Variants in FGF12 observed in about 807,000 individuals in gnomAD.
FGF12 encodes the protein fibroblast growth factor 12.
FGF12 carries 14 observed loss-of-function variants against 23.6 expected under a neutral mutation model. The observed-to-expected ratio is 0.59, with a 90% CI of 0.39 to 0.93. The LOEUF is 0.93. Ranked by LOEUF, FGF12 falls within the 40% of genes least tolerant of loss-of-function variation. The pLI is 0.00. For missense variants in FGF12, 175 were observed against 217.8 expected (o/e 0.80, Z 1.24); for synonymous variants, 62 against 77.3 (o/e 0.80, Z 1.04).
chr3:192,476,606 T>C (rs2108816685), intron 2 of FGF12, among the ~76,000 whole-genome samples: 1 of 152,254 alleles, frequency 6.6e-6, no homozygotes, highest in East Asian at 1.9e-4. Context: ...CCTCCACAAA[T>C]ACAACATAAT....
intron 2 of FGF12, among the ~76,000 whole-genome samples, chr3:192,611,077 A>C (rs1041125518): frequency 1.3e-5 from 2 of 152,014 alleles, no homozygotes; most frequent in Admixed American, 1.3e-4. Flanking sequence ...CACTAGCATA[A>C]TCTCAAAGCC....
At chr3:192,155,949 C>A (rs757903162) in intron 5 of FGF12, among the ~76,000 whole-genome samples, 2 of 152,130 alleles carry the variant, frequency 1.3e-5, no homozygotes, top group Non-Finnish European at 1.5e-5. Flanking sequence ...TGTAGTAGCT[C>A]GAAGTGCAAT....
intron 4 of FGF12, among the ~76,000 whole-genome samples, chr3:192,285,762 G>T (rs543048156): frequency 6.6e-6 from 1 of 151,968 alleles, no homozygotes; most frequent in African/African-American, 2.4e-5. Flanking sequence ...CTTCTTGCAT[G>T]AAGTAAAAGA....
chr3:192,529,213 A>G (rs1725027193), intron 2 of FGF12, among the ~76,000 whole-genome samples: 1 of 152,174 alleles, frequency 6.6e-6, no homozygotes, highest in African/African-American at 2.4e-5. Flanking sequence ...CTGCTTAGAA[A>G]TTTCTTCTGC....
chr3:192,338,822 T>A (rs758863142), intron 3 of FGF12, among the ~76,000 whole-genome samples: 2 of 152,176 alleles, frequency 1.3e-5, no homozygotes, highest in Admixed American at 1.3e-4. Context: ...AGAATTAATA[T>A]GCAAGATATG....
chr3:192,649,659 C>T (rs1266599919), intron 2 of FGF12, among the ~76,000 whole-genome samples: 3 of 152,110 alleles, frequency 2.0e-5, no homozygotes, highest in East Asian at 3.9e-4. Flanking sequence ...TCCAGCGATC[C>T]TCCCACCTCA....
chr3:192,301,630 A>G (rs1715354345), intron 4 of FGF12, among the ~76,000 whole-genome samples: 1 of 152,192 alleles, frequency 6.6e-6, no homozygotes, highest in South Asian at 2.1e-4. Context: ...GGTCAGTGGA[A>G]TTGAAGTTTT....
At chr3:192,642,963 C>T (rs1243792645) in intron 2 of FGF12, among the ~76,000 whole-genome samples, 1 of 152,232 alleles carries the variant, frequency 6.6e-6, no homozygotes, top group Non-Finnish European at 1.5e-5. Flanking sequence ...AATGCTCTGA[C>T]TTACAGTAAG....
intron 4 of FGF12, among the ~76,000 whole-genome samples, chr3:192,213,042 C>T (rs1460333605): frequency 6.6e-6 from 1 of 152,206 alleles, no homozygotes; most frequent in Non-Finnish European, 1.5e-5. Context: ...TGCAGCAAAA[C>T]TTGTCAGGTT....
intron 2 of FGF12, among the ~76,000 whole-genome samples, chr3:192,545,961 C>T (rs777725143): frequency 9.2e-5 from 14 of 152,302 alleles, no homozygotes; most frequent in Admixed American, 2.0e-4. Context: ...TCTCTATGCT[C>T]TGAATGGATT....
chr3:192,214,247 G>A (rs750523835), intron 4 of FGF12, among the ~76,000 whole-genome samples: 4 of 152,152 alleles, frequency 2.6e-5, no homozygotes, highest in Non-Finnish European at 4.4e-5. Flanking sequence ...TTACTGCTTA[G>A]GAAATTCAGA....
chr3:192,481,605 T>C lies in FGF12; in HGVS notation c.14-121067A>G, dbSNP rs1036615153. On this transcript the variant is annotated intron_variant, in intron 2 of 5. Coordinates refer to ENST00000445105, the MANE Select transcript of FGF12 (RefSeq NM_004113.6). ...CACTATCCTGCTGAGTAGTGTAAGT[T>C]TGCTTCAGGCAGCCTCCTATCCATG... 2.6e-4 allele frequency among the ~76,000 whole-genome samples: 40 copies of C among 152,328 alleles called. No individual in the cohort carries two copies. The Middle Eastern group carries it at 0.014, about 52-fold the overall frequency.
At chr3:192,707,933 G>A (rs1445254691) in intron 2 of FGF12, among the ~76,000 whole-genome samples, 1 of 151,832 alleles carries the variant, frequency 6.6e-6, no homozygotes, top group Non-Finnish European at 1.5e-5. Context: ...CAGTCATATG[G>A]AATAGCATCC....
chr3:192,226,335 T>A lies in FGF12; in HGVS notation c.229-55679A>T, dbSNP rs576125784. Among the ~76,000 whole-genome samples the A allele has an allele frequency of 3.3e-5, 5 of 152,300 alleles. No homozygotes were observed. In the South Asian group the frequency reaches 6.2e-4, roughly 19 times the overall value. On this transcript the variant is annotated intron_variant, in intron 4 of 5. Transcript: ENST00000445105. The stretch of plus-strand genomic sequence containing the variant: ...CTGAATGCCCAGTAAAAAAGCAAAC[T>A]ATTTTTTTCAAAACACAGTATCCTT...
intron 2 of FGF12, among the ~76,000 whole-genome samples, chr3:192,717,403 T>C (rs1718898535): frequency 1.3e-5 from 2 of 152,204 alleles, no homozygotes; most frequent in Non-Finnish European, 2.9e-5. Context: ...TAAAGTACAG[T>C]GCCTAAACAT....
chr3:192,335,056 G>GA (rs2108699047), intron 4 of FGF12, among the ~76,000 whole-genome samples: 1 of 152,152 alleles, frequency 6.6e-6, no homozygotes, highest in African/African-American at 2.4e-5. Flanking sequence ...CAAGAGAAAA[G>GA]AAAAATGTCT....
intron 2 of FGF12, among the ~76,000 whole-genome samples, chr3:192,445,622 A>G (rs538156459): frequency 6.6e-6 from 1 of 152,240 alleles, no homozygotes; most frequent in South Asian, 2.1e-4. Flanking sequence ...CTTCACCTAG[A>G]AATTCTGAAA....
At chr3:192,149,294 A>C (rs1279705505) in intron 5 of FGF12, among the ~76,000 whole-genome samples, 1 of 150,404 alleles carries the variant, frequency 6.6e-6, no homozygotes, top group Admixed American at 6.7e-5. Context: ...CTCTGTAAGG[A>C]ATGACTGGCA....
intron 2 of FGF12, among the ~76,000 whole-genome samples, chr3:192,450,482 A>G (rs1022991317): frequency 4.6e-5 from 7 of 152,214 alleles, no homozygotes; most frequent in Non-Finnish European, 1.0e-4. Flanking sequence ...ATAAAACTCA[A>G]CACAGGATAC....
Sources: allele counts gnomAD v4.1 joint callset (sites outside exome capture counted in the v4.1 genomes callset), GRCh38; gene constraint gnomAD v4.1.1; transcripts MANE v1.5; gene names NCBI Gene and HGNC (gene_info 2026-07-23, HGNC 2026-07-21).